WDR90: variants seen among roughly 807,000 people sequenced by gnomAD.
The protein encoded by WDR90 is WD repeat-containing protein 90.
Under a neutral mutation model 195.2 loss-of-function variants are expected in WDR90, and 238 were observed. That is an observed-to-expected ratio of 1.22 (90% CI 1.10 to 1.36). The LOEUF is 1.36. Among genes scored for constraint, WDR90 ranks in the 40% most tolerant of loss-of-function variants. The pLI, the probability that WDR90 is intolerant of heterozygous loss-of-function variation, is 0.00. For synonymous variants in WDR90, 1,265 were observed against 1,052.4 expected (o/e 1.20, Z -3.91); for missense variants, 2,734 against 2,439.5 (o/e 1.12, Z -2.54).
intron 2 of WDR90, 66 bp downstream of exon 2, chr16:649,920 C>T: frequency 6.2e-7 from 1 of 1,601,008 alleles, no homozygotes; most frequent in South Asian, 1.1e-5. Flanking sequence ...CTGCCCCGCC[C>T]CCGAGGGCCC....
At chr16:651,548 G>C (rs1178080788) in intron 7 of WDR90, 96 bp from the exon 8 acceptor site, 4 of 1,252,646 alleles carry the variant, frequency 3.2e-6, no homozygotes, top group Non-Finnish European at 4.5e-6. Flanking sequence ...AGCCGGTGAG[G>C]CTGGGCCACT....
intron 3 of WDR90, 42 bp downstream of exon 3, chr16:650,209 C>G (rs781022691): frequency 6.2e-7 from 1 of 1,610,432 alleles, no homozygotes; most frequent in Non-Finnish European, 8.5e-7. Flanking sequence ...AGCCCCGGCA[C>G]CCCTGCGGCC....
intron 1 of WDR90, 130 bp from the exon 2 acceptor site, chr16:649,633 G>A (rs2037597784): frequency 8.6e-7 from 1 of 1,167,792 alleles, no homozygotes; most frequent in South Asian, 2.3e-5. Context: ...CAGCCTAGCT[G>A]GCGTTGGCGT....
chr16:665,823 CG>C lies in WDR90; in HGVS notation c.4434+27del, dbSNP rs746308064. 2.9e-6 allele frequency: 4 copies of C among 1,389,982 alleles called. No individual in the cohort carries two copies. In the African/African-American group the frequency reaches 5.3e-5, roughly 19 times the overall value. 86.1% of individuals were successfully genotyped at this position (1,389,982 alleles called of 1,614,324 possible). A position where few individuals can be genotyped will look rare whatever the true frequency, so the allele number is the denominator to read the frequency against. ...CCAGGTGTGTGGGGAGTGCCCGGGCCGGGGGCGGGATGGGGGCCTGCTCAGT... is the reference window on the plus strand; with the variant it reads ...CCAGGTGTGTGGGGAGTGCCCGGGCCGGGGCGGGATGGGGGCCTGCTCAGT... On this transcript the variant is annotated intron_variant, in intron 35 of 40. Coordinates refer to ENST00000293879, the MANE Select transcript of WDR90 (RefSeq NM_145294.5).
chr16:657,175 C>G lies in WDR90; in HGVS notation c.2427C>G (p.Ala809=). 2 of 1,558,786 alleles carry G rather than the reference C, an allele frequency of 1.3e-6. No individual in the cohort carries two copies. Among genetic ancestry groups the G allele is most frequent in the South Asian group, 2.4e-5 (2 of 84,672 alleles). Residue 809 remains alanine, a synonymous_variant, in exon 20 of 41, where the codon GCC becomes GCG. Transcript: ENST00000293879. Reference sequence around the variant, plus strand: ...GCTCCTGCTCCCAGGGCTCCCTGGCCCAGTACAGCTGTGCGGACCCCCAGT... The same window carrying G: ...GCTCCTGCTCCCAGGGCTCCCTGGCGCAGTACAGCTGTGCGGACCCCCAGT... The part of the protein sequence containing the change: ...LFSSCSQGSL[A]QYSCADPQWH...
In WDR90 at chr16:661,467, C is replaced by G; in HGVS notation, c.3639C>G (p.Ala1213=). ...ATAGCACCACCGTGCTGGCCCTGGCCTTCTCACCAGATGACAGGCTTCTTG... is the reference window on the plus strand; with the variant it reads ...ATAGCACCACCGTGCTGGCCCTGGCGTTCTCACCAGATGACAGGCTTCTTG... ...FPHSTTVLAL[A]FSPDDRLLVT... is the part of the protein sequence containing the mutation. Residue 1213 remains alanine (A), a synonymous_variant, in exon 30 of 41, where the codon GCC becomes GCG. Coordinates refer to ENST00000293879, the MANE Select transcript of WDR90 (RefSeq NM_145294.5). 1 of 1,610,874 alleles carries G rather than the reference C, an allele frequency of 6.2e-7. No homozygotes were observed. Among genetic ancestry groups the G allele is most frequent in the Non-Finnish European group, 8.5e-7 (1 of 1,178,696 alleles).
In WDR90 at chr16:667,453, A is replaced by T. The variant is rs760729419; in HGVS notation, c.5111A>T (p.Asp1704Val). ...GFAECMLRLV[D>V]CAMGTAQDFA... is the part of the protein sequence containing the mutation. ...ACAGAGTGCATGCTGAGGCTGGTAG[A>T]CTGTGCCATGGGGACTGCCCAAGAC... Residue 1704 changes from aspartate to valine, a missense_variant, in exon 41 of 41, where the codon GAC (aspartate) becomes GTC (valine). Transcript: ENST00000293879. 6.2e-7 allele frequency: 1 copy of T among 1,603,772 alleles called. No homozygotes were observed. The highest frequency in any genetic ancestry group is 8.5e-7 in the Non-Finnish European group (1 of 1,172,770).
Position 658,068 on chromosome 16 carries a change from G to A in WDR90, c.2605-115G>A, listed in dbSNP as rs1407104427. 5.4e-6 allele frequency: 8 copies of A among 1,476,662 alleles called. No individual in the cohort carries two copies. The African/African-American group carries it at 7.0e-5, about 13-fold the overall frequency. 91.5% of individuals were successfully genotyped at this position (1,476,662 alleles called of 1,614,324 possible). ...TGCGGCCAGGTTCCTGTGCAGGGCA[G>A]GTGCTGCCTGGGTGCCGAGTGCGTG... On this transcript the variant is annotated intron_variant, in intron 21 of 40. Coordinates refer to ENST00000293879, the MANE Select transcript of WDR90 (RefSeq NM_145294.5).
At chr16:650,783 G>C in intron 5 of WDR90, 74 bp downstream of exon 5, 1 of 1,564,328 alleles carries the variant, frequency 6.4e-7, no homozygotes. Context: ...CAAGTCCAGG[G>C]TGCTTGGGAA....
intron 17 of WDR90, 89 bp from the exon 18 acceptor site, chr16:656,213 C>T: frequency 3.3e-6 from 4 of 1,217,578 alleles, no homozygotes; most frequent in Non-Finnish European, 2.3e-6. Context: ...GCAGGGAGTG[C>T]ATTTGCTGGG....
At chr16:656,201 C>T (rs2037750072) in intron 17 of WDR90, 101 bp from the exon 18 acceptor site, 3 of 1,118,532 alleles carry the variant, frequency 2.7e-6, no homozygotes, top group East Asian at 5.1e-5. Context: ...GGACTTTGAG[C>T]AGCAGGGAGT....
Position 649,842 on chromosome 16 carries a change from G to T in WDR90, c.90G>T (p.Val30=). 6.3e-7 allele frequency: 1 copy of T among 1,582,232 alleles called. No individual in the cohort carries two copies. The highest frequency in any genetic ancestry group is 1.1e-5 in the South Asian group (1 of 88,004). ...EWKRSAKQGD[V]AVVTDKTLKG... is the part of the protein sequence containing the mutation. ...AGCGCTCCGCCAAGCAGGGGGACGT[G>T]GCCGTGGTCACGGTAGGCGGCCGGG... The change falls in exon 2 of 41, where the codon GTG becomes GTT. Residue 30 remains valine, a synonymous_variant. Transcript: ENST00000293879.
intron 23 of WDR90, 55 bp from the exon 24 acceptor site, chr16:658,841 A>C: frequency 6.3e-7 from 1 of 1,597,694 alleles, no homozygotes; most frequent in East Asian, 2.2e-5. Context: ...GACTGGGCAC[A>C]CGGCAGCATC....
intron 31 of WDR90, 45 bp from the exon 32 acceptor site, chr16:661,846 G>C: frequency 6.3e-7 from 1 of 1,591,660 alleles, no homozygotes; most frequent in African/African-American, 1.3e-5. Flanking sequence ...ATCTGCCTGG[G>C]CCCCGGGACA....
chr16:660,429 G>A (rs1596466511), intron 27 of WDR90, 183 bp from the exon 28 acceptor site: 1 of 674,202 alleles, frequency 1.5e-6, no homozygotes, highest in Non-Finnish European at 2.5e-6. Flanking sequence ...ACGGGCCTGT[G>A]CCCCTCCTGG....
chr16:660,459 G>A (rs1337576947), intron 27 of WDR90, 153 bp from the exon 28 acceptor site: 3 of 778,006 alleles, frequency 3.9e-6, no homozygotes, highest in African/African-American at 1.7e-5. Flanking sequence ...AGTGCCCACA[G>A]CTCCCACACC....
chr16:662,955 C>A, intron 34 of WDR90, 111 bp downstream of exon 34: 1 of 1,471,522 alleles, frequency 6.8e-7, no homozygotes, highest in Non-Finnish European at 9.2e-7. Flanking sequence ...CCGTCACTGG[C>A]TCGCAGCGGC....
rs763784192 is a variant in WDR90, at chr16:655,622, A to G, written c.1768A>G (p.Met590Val). ...GHILEIDCQR[M>V]VVRHARRLLP... ...CATCTTGGAGATTGACTGTCAGCGCATGGTCGTGCGGCATGCCCGCCGCCT... is the reference window on the plus strand; with the variant it reads ...CATCTTGGAGATTGACTGTCAGCGCGTGGTCGTGCGGCATGCCCGCCGCCT... The change falls in exon 16 of 41, where the codon ATG becomes GTG. Residue 590 changes from methionine to valine, a missense_variant. Coordinates refer to ENST00000293879, the MANE Select transcript of WDR90 (RefSeq NM_145294.5). 40 of 1,609,004 alleles carry G rather than the reference A, an allele frequency of 2.5e-5. No homozygotes were observed. The highest frequency in any genetic ancestry group is 2.7e-5 in the African/African-American group (2 of 74,800).
In WDR90 at chr16:661,497, A is replaced by G. The variant is rs1252591862; in HGVS notation, c.3669A>G (p.Thr1223=). 2.5e-6 allele frequency: 4 copies of G among 1,602,728 alleles called. No homozygotes were observed. In the African/African-American group the frequency reaches 4.0e-5, roughly 16 times the overall value. Residue 1223 remains threonine, a synonymous_variant, in exon 30 of 41, where the codon ACA becomes ACG. Transcript: ENST00000293879. ...AFSPDDRLLV[T]LGDHDGRTLA... ...CACCAGATGACAGGCTTCTTGTCAC[A>G]CTGGGTCAGTGGGAGGGAGGGTGGA...
Sources: allele counts gnomAD v4.1 joint callset, GRCh38; gene constraint gnomAD v4.1.1; transcripts MANE v1.5; gene names NCBI Gene and HGNC (gene_info 2026-07-23, HGNC 2026-07-21).